LONP2: variants seen among roughly 807,000 people sequenced by gnomAD.
The protein encoded by LONP2 is lon peptidase 2, peroxisomal, also known as lon protease homolog 2, peroxisomal.
In LONP2, 60 loss-of-function variants were observed where a neutral mutation model predicts 85.6. The observed-to-expected ratio is 0.70, with a 90% CI of 0.57 to 0.87. LONP2 has a LOEUF of 0.87. LONP2 is among the 40% of genes least tolerant of loss of function. The probability of loss-of-function intolerance (pLI) is 0.00; values close to 1 mark genes in which losing one functional copy is unlikely to be tolerated. For missense variants in LONP2, 860 were observed against 1,063.5 expected (o/e 0.81, Z 2.66); for synonymous variants, 395 against 389.7 (o/e 1.01, Z -0.16).
At chr16:48,314,457 A>G (rs1175194246) in intron 11 of LONP2, among the ~76,000 whole-genome samples, 1 of 152,056 alleles carries the variant, frequency 6.6e-6, no homozygotes, top group Non-Finnish European at 1.5e-5. Context: ...TAAGTCTTTA[A>G]TTCATCTTGA....
intron 11 of LONP2, among the ~76,000 whole-genome samples, chr16:48,328,177 C>G (rs910512378): frequency 6.6e-6 from 1 of 152,168 alleles, no homozygotes; most frequent in Non-Finnish European, 1.5e-5. Context: ...CTTTGAGAGG[C>G]CAAGGCAGGA....
At chr16:48,343,800 A>G (rs1959888663) in intron 12 of LONP2, 1 of 152,222 alleles carries the variant, frequency 6.6e-6, no homozygotes. Flanking sequence ...CCTTATTGAT[A>G]GATTTCAGAA....
At chr16:48,269,179 A>C (rs1308176742) in intron 6 of LONP2, among the ~76,000 whole-genome samples, 1 of 151,072 alleles carries the variant, frequency 6.6e-6, no homozygotes, top group African/African-American at 2.4e-5. Flanking sequence ...TGTGGCAATT[A>C]GGCAATTCTT....
At chr16:48,244,773 G>A (rs140802119) in intron 1 of LONP2, 152 bp downstream of exon 1, 16 of 486,340 alleles carry the variant, frequency 3.3e-5, no homozygotes, top group Middle Eastern at 1.1e-3. Flanking sequence ...TTGCAAAATG[G>A]GGATGTCAGA....
chr16:48,291,804 C>A (rs759914469), intron 8 of LONP2, among the ~76,000 whole-genome samples: 15 of 152,266 alleles, frequency 9.9e-5, no homozygotes, highest in Middle Eastern at 3.4e-3. Context: ...GTAGTGATTA[C>A]CAGAAATTAT....
At position 48,267,140 on chromosome 16, in the gene LONP2, A is replaced by G. The variant is rs920535563; in HGVS notation, c.983-2876A>G. 3.9e-5 allele frequency among the ~76,000 whole-genome samples: 6 copies of G among 152,190 alleles called. No individual in the cohort carries two copies. In the South Asian group the frequency reaches 6.2e-4, roughly 16 times the overall value. ...AGAGATGTGTAGCAGCCATGTATCCATCATGAAAATAATTCCATTGTTTAG... is the reference window on the plus strand; with the variant it reads ...AGAGATGTGTAGCAGCCATGTATCCGTCATGAAAATAATTCCATTGTTTAG... On this transcript the variant is annotated intron_variant, in intron 6 of 14. Coordinates refer to ENST00000285737, the MANE Select transcript of LONP2 (RefSeq NM_031490.5).
chr16:48,347,833 A>G, intron 13 of LONP2, 119 bp downstream of exon 13: 1 of 964,348 alleles, frequency 1.0e-6, no homozygotes, highest in Non-Finnish European at 1.5e-6. Flanking sequence ...ACCGTTTTGA[A>G]CCCCTGTGGA....
intron 8 of LONP2, among the ~76,000 whole-genome samples, chr16:48,285,195 G>A (rs536335633): frequency 6.6e-6 from 1 of 152,176 alleles, no homozygotes; most frequent in South Asian, 2.1e-4. Context: ...GGTTTCTGCT[G>A]TGAAGCCAGC....
intron 12 of LONP2, 31 bp from the exon 13 acceptor site, chr16:48,347,476 A>G (rs776451633): frequency 7.9e-5 from 127 of 1,612,522 alleles, no homozygotes; most frequent in Non-Finnish European, 1.0e-4. Flanking sequence ...GCATTTGCCA[A>G]CCCAACTCTG....
At chr16:48,297,899 C>G (rs1230545775) in intron 9 of LONP2, among the ~76,000 whole-genome samples, 2 of 152,182 alleles carry the variant, frequency 1.3e-5, no homozygotes, top group Non-Finnish European at 2.9e-5. Flanking sequence ...GGGATTTCAC[C>G]ATGTTGGCCA....
chr16:48,327,860 G>A (rs533985098), intron 11 of LONP2, among the ~76,000 whole-genome samples: 6 of 152,314 alleles, frequency 3.9e-5, no homozygotes, highest in Admixed American at 2.6e-4. Context: ...GTATAGCATA[G>A]AGCAGAGTCT....
At chr16:48,261,738 T>C (rs1971884022) in intron 5 of LONP2, 151 bp downstream of exon 5, 2 of 529,590 alleles carry the variant, frequency 3.8e-6, no homozygotes, top group Non-Finnish European at 6.4e-6. Context: ...CTCTTGCAGC[T>C]GCCTTTTTGT....
At chr16:48,259,572 T>TA in intron 4 of LONP2, among the ~76,000 whole-genome samples, 1 of 152,308 alleles carries the variant, frequency 6.6e-6, no homozygotes, top group African/African-American at 2.4e-5. Context: ...CGTTGAGAAT[T>TA]ATGTTAGCAA....
downstream of LONP2, among the ~76,000 whole-genome samples, chr16:48,358,382 A>G (rs1223075328): frequency 6.6e-6 from 1 of 152,226 alleles, no homozygotes; most frequent in Non-Finnish European, 1.5e-5. Flanking sequence ...TATATCCAGC[A>G]AGAACCTAGG....
intron 11 of LONP2, among the ~76,000 whole-genome samples, chr16:48,310,864 A>G (rs1337522623): frequency 6.6e-6 from 1 of 152,212 alleles, no homozygotes; most frequent in African/African-American, 2.4e-5. Context: ...AGTGGTGATG[A>G]ATTCCCTCAT....
rs201982064 is a variant in LONP2 at position 48,362,482 on chromosome 16, A to C, written c.*619A>C. ...AGAAAAATAATTATAACCATGACTT[A>C]CTTTATAAATAATGTTTACATGCCA... On this transcript the variant is annotated 3_prime_UTR_variant, in exon 5 of 5. Coordinates refer to the LONP2 transcript ENST00000565867. This position sits in a 1 kb window ranked among gnomAD's most constrained non-coding sequence, Gnocchi z 4.2. 1.1e-5 allele frequency: 18 copies of C among 1,577,262 alleles called. No individual in the cohort carries two copies. Among genetic ancestry groups the C allele is most frequent in the Non-Finnish European group, 1.6e-5 (18 of 1,151,898 alleles).
intron 11 of LONP2, among the ~76,000 whole-genome samples, chr16:48,314,589 AG>A: frequency 6.6e-6 from 1 of 152,198 alleles, no homozygotes; most frequent in Non-Finnish European, 1.5e-5. Flanking sequence ...ATTGGTTACT[AG>A]TACAAAAACA....
intron 11 of LONP2, among the ~76,000 whole-genome samples, chr16:48,309,092 T>C (rs568673060): frequency 5.3e-5 from 8 of 152,234 alleles, no homozygotes; most frequent in Non-Finnish European, 1.0e-4. Flanking sequence ...GAAAAATCTA[T>C]GAGATACCAT....
intron 8 of LONP2, among the ~76,000 whole-genome samples, chr16:48,292,400 A>T (rs754795054): frequency 7.9e-5 from 12 of 152,114 alleles, no homozygotes; most frequent in Non-Finnish European, 1.3e-4. Flanking sequence ...TTATTTGGAA[A>T]CAAAATGGGA....
Sources: allele counts gnomAD v4.1 joint callset (sites outside exome capture counted in the v4.1 genomes callset), GRCh38; gene constraint gnomAD v4.1.1; non-coding constraint Gnocchi (gnomAD v3.1); transcripts MANE v1.5; gene names NCBI Gene and HGNC (gene_info 2026-07-23, HGNC 2026-07-21).